The following RNGTT variants were observed in gnomAD, a reference collection of about 807,000 sequenced individuals.
RNGTT encodes the protein mRNA-capping enzyme.
RNGTT carries 33 observed loss-of-function variants against 79.3 expected under a neutral mutation model. That is an observed-to-expected ratio of 0.42 (90% CI 0.32 to 0.56). RNGTT has a LOEUF of 0.56. Among genes scored for constraint, RNGTT ranks in the 20% least tolerant of loss-of-function variants. The pLI is 0.17. For missense variants in RNGTT, 497 were observed against 739.1 expected (o/e 0.67, Z 3.80); for synonymous variants, 222 against 235.9 (o/e 0.94, Z 0.54).
In RNGTT at chr6:88,730,711, C is replaced by A. The variant is rs546956973; in HGVS notation, c.1439+39063G>T. On this transcript the variant is annotated intron_variant, in intron 13 of 15. Transcript: ENST00000369485. The stretch of plus-strand genomic sequence containing the variant: ...GTCTGTGGCCTGGGAGTTGGGGATC[C>A]CTCATCTAGGACACTCTATAATGTT... Among the ~76,000 whole-genome samples, 20 of 152,246 alleles carry A rather than the reference C, an allele frequency of 1.3e-4. No individual in the cohort carries two copies. The South Asian group carries it at 4.1e-3, about 32-fold the overall frequency.
At chr6:88,826,974 G>A (rs1389295267) in intron 11 of RNGTT, among the ~76,000 whole-genome samples, 2 of 151,170 alleles carry the variant, frequency 1.3e-5, no homozygotes, top group East Asian at 3.9e-4. Context: ...AAGGGCAGAC[G>A]CTATTATTTA....
rs756610259 is a variant in RNGTT at position 88,941,216 on chromosome 6, G to T, written c.65-36C>A. 3 of 1,303,894 alleles carry T rather than the reference G, an allele frequency of 2.3e-6. No individual in the cohort carries two copies. In the Admixed American group the frequency reaches 6.1e-5, roughly 27 times the overall value. The allele number at this position is 1,303,894 out of a possible 1,614,324, so 80.8% of individuals were successfully genotyped here. A position where few individuals can be genotyped will look rare whatever the true frequency, so the allele number is the denominator to read the frequency against. On this transcript the variant is annotated intron_variant, in intron 1 of 15. Coordinates refer to ENST00000369485, the MANE Select transcript of RNGTT (RefSeq NM_003800.5). ...CAGATAGGTAATCATTTCCATAAAA[G>T]GAAATGTTTCAGATTAAAATTCTAT... is the stretch of plus-strand genomic sequence containing the variant.
Position 88,769,867 on chromosome 6 carries a change from T to C in RNGTT, c.1346A>G (p.Lys449Arg). Residue 449 changes from lysine (K) to arginine (R), a missense_variant, in exon 13 of 16, where the codon AAA becomes AGA. Lys to Arg is a conservative substitution (Grantham distance 26). Coordinates refer to ENST00000369485, the MANE Select transcript of RNGTT (RefSeq NM_003800.5). ...CAAAATATCATCACATCGACCAGGT[T>C]TGTATTTCTAAAGCCAATTAAAATG... ...GLIFQPTGKY[K>R]PGRCDDILKW... The C allele has an allele frequency of 1.2e-6, 2 of 1,608,090 alleles. No homozygotes were observed. Among genetic ancestry groups the C allele is most frequent in the Non-Finnish European group, 8.5e-7 (1 of 1,175,840 alleles).
intron 12 of RNGTT, among the ~76,000 whole-genome samples, chr6:88,771,690 C>T (rs1262774182): frequency 1.3e-5 from 2 of 152,014 alleles, no homozygotes; most frequent in Non-Finnish European, 2.9e-5. Flanking sequence ...CTGTAAATCT[C>T]TCCATTTACT....
chr6:88,958,757 G>A (rs1158812053), intron 1 of RNGTT, among the ~76,000 whole-genome samples: 1 of 152,200 alleles, frequency 6.6e-6, no homozygotes, highest in East Asian at 1.9e-4. Context: ...TTACACTGCT[G>A]GTGGGAATGT....
chr6:88,669,335 T>C (rs1421864384), intron 14 of RNGTT, among the ~76,000 whole-genome samples: 1 of 152,264 alleles, frequency 6.6e-6, no homozygotes, highest in Non-Finnish European at 1.5e-5. Flanking sequence ...GGAACTACTA[T>C]GGGAGACCAA....
At chr6:88,863,200 G>C (rs1782067471) in intron 8 of RNGTT, among the ~76,000 whole-genome samples, 1 of 152,132 alleles carries the variant, frequency 6.6e-6, no homozygotes, top group South Asian at 2.1e-4. Flanking sequence ...ACTAGTCTTT[G>C]ATCTTAGAAT....
chr6:88,811,945 T>C (rs948429967), intron 11 of RNGTT, among the ~76,000 whole-genome samples: 1 of 152,136 alleles, frequency 6.6e-6, no homozygotes. Flanking sequence ...AAATTTGCAC[T>C]CCCCTGGATA....
Position 88,648,001 on chromosome 6 carries a change from G to A in RNGTT, c.1506+30352C>T, listed in dbSNP as rs188708413. 1.9e-3 allele frequency among the ~76,000 whole-genome samples: 289 copies of A among 152,204 alleles called. 5 individuals are homozygous for A. Among genetic ancestry groups the A allele is most frequent in the African/African-American group, 6.7e-3 (279 of 41,504 alleles). On this transcript the variant is annotated intron_variant, in intron 14 of 15. Transcript: ENST00000369485. ...AGTCACATTAAGAAAGGATCTCTACGTTTGCATTCACTTCCTGTCACAAAT... is the reference window on the plus strand; with the variant it reads ...AGTCACATTAAGAAAGGATCTCTACATTTGCATTCACTTCCTGTCACAAAT...
intron 4 of RNGTT, among the ~76,000 whole-genome samples, chr6:88,918,481 C>T (rs970800244): frequency 6.6e-6 from 1 of 151,574 alleles, no homozygotes; most frequent in Non-Finnish European, 1.5e-5. Context: ...TTTTTTTCAG[C>T]GGGAGGGGAT....
At chr6:88,724,722 G>A (rs1776828117) in intron 13 of RNGTT, among the ~76,000 whole-genome samples, 2 of 152,180 alleles carry the variant, frequency 1.3e-5, no homozygotes, top group African/African-American at 2.4e-5. Flanking sequence ...CAATATGTCA[G>A]TATGTTCAAT....
At chr6:88,766,874 C>A (rs1241119154) in intron 13 of RNGTT, among the ~76,000 whole-genome samples, 1 of 152,028 alleles carries the variant, frequency 6.6e-6, no homozygotes, top group Non-Finnish European at 1.5e-5. Flanking sequence ...GGTGTTTTAA[C>A]AGCTTAGTCC....
chr6:88,714,426 GC>G (rs2127809085), intron 13 of RNGTT: 1 of 152,142 alleles, frequency 6.6e-6, no homozygotes, highest in Non-Finnish European at 1.5e-5. Context: ...AGTGACTCAA[GC>G]TGAAAGTAAA....
At chr6:88,858,450 T>A (rs899823741) in intron 8 of RNGTT, among the ~76,000 whole-genome samples, 1 of 152,144 alleles carries the variant, frequency 6.6e-6, no homozygotes, top group Non-Finnish European at 1.5e-5. Flanking sequence ...CCTACAAAGG[T>A]AGAGCCTGTC....
intron 14 of RNGTT, among the ~76,000 whole-genome samples, chr6:88,655,788 C>A (rs1773954808): frequency 6.6e-6 from 1 of 151,992 alleles, no homozygotes; most frequent in African/African-American, 2.4e-5. Flanking sequence ...CTGGAAAAGA[C>A]AACTAATATC....
chr6:88,832,626 T>C (rs758610147), intron 11 of RNGTT, among the ~76,000 whole-genome samples: 19 of 152,114 alleles, frequency 1.2e-4, no homozygotes, highest in Non-Finnish European at 2.6e-4. Context: ...GCAAAAGAAA[T>C]TATCATCAGA....
chr6:88,708,313 C>G (rs1316542871), intron 13 of RNGTT, among the ~76,000 whole-genome samples: 1 of 152,104 alleles, frequency 6.6e-6, no homozygotes, highest in African/African-American at 2.4e-5. Flanking sequence ...CTTCTGCAGC[C>G]AGCTTAGCTC....
intron 13 of RNGTT, among the ~76,000 whole-genome samples, chr6:88,756,380 G>A (rs998241476): frequency 2.6e-5 from 4 of 151,976 alleles, no homozygotes; most frequent in Admixed American, 6.5e-5. Flanking sequence ...GACTGAGGCA[G>A]GAGAATCACT....
intron 12 of RNGTT, among the ~76,000 whole-genome samples, chr6:88,788,538 T>TC (rs1779304073): frequency 6.6e-6 from 1 of 152,216 alleles, no homozygotes; most frequent in Non-Finnish European, 1.5e-5. Context: ...GATTCGAACA[T>TC]CATTTACTTA....
Sources: gnomAD v4.1 joint callset for allele counts (sites outside exome capture counted in the v4.1 genomes callset) on GRCh38, gnomAD v4.1.1 for gene constraint, MANE v1.5 for transcripts, NCBI Gene and HGNC (gene_info 2026-07-23, HGNC 2026-07-21) for gene names.